ACER1: variants seen among roughly 807,000 people sequenced by gnomAD.
ACER1 encodes the protein CTB-180A7.3.
ACER1 carries 28 observed loss-of-function variants against 24.9 expected under a neutral mutation model. That is an observed-to-expected ratio of 1.13 (90% CI 0.83 to 1.54). The LOEUF (loss-of-function observed/expected upper bound fraction) is 1.54, where lower values mean the gene tolerates loss of function less well. Ranked by LOEUF, ACER1 falls within the 40% of genes most tolerant of loss-of-function variation. ACER1 has a pLI of 0.00. For missense variants in ACER1, 352 were observed against 349.3 expected, an observed-to-expected ratio of 1.01 and a Z score of -0.06; for synonymous variants, 132 against 131.4, an observed-to-expected ratio of 1.00 and a Z score of -0.03.
the ACER1 span, among the ~76,000 whole-genome samples, chr19:6,345,953 C>T: frequency 6.6e-6 from 1 of 151,792 alleles, no homozygotes. Flanking sequence ...CTTTCAAACA[C>T]CCAGGCTCAA....
chr19:6,323,196 A>G (rs10426241), intron 1 of ACER1, among the ~76,000 whole-genome samples: 131,636 of 151,574 alleles, frequency 0.87, 57,347 homozygotes, highest in Middle Eastern at 0.94. Context: ...CAAGGCAGGC[A>G]GATCACGAAG....
chr19:6,312,506 C>CAG lies in ACER1; in HGVS notation c.94-9_94-8dup. Reference sequence around the variant, plus strand: ...AGAAGGGGATATTGGAGAACTGGAGCAGAGAGAGCCATAGGGAGGAGCTCG... The same window carrying CAG: ...AGAAGGGGATATTGGAGAACTGGAGCAGAGAGAGAGCCATAGGGAGGAGCTCG... On this transcript the variant is annotated splice_region_variant and splice_polypyrimidine_tract_variant and intron_variant, in intron 1 of 5. Coordinates refer to ENST00000301452, the MANE Select transcript of ACER1 (RefSeq NM_133492.3). The CAG allele has an allele frequency of 6.2e-7, 1 of 1,610,148 alleles. No homozygotes were observed. Among genetic ancestry groups the CAG allele is most frequent in the Non-Finnish European group, 8.5e-7 (1 of 1,176,790 alleles).
intron 1 of ACER1, among the ~76,000 whole-genome samples, chr19:6,314,931 G>A (rs8110641): frequency 0.15 from 22,018 of 151,072 alleles, 1,834 homozygotes; most frequent in East Asian, 0.29. Flanking sequence ...TTGCTCTGTC[G>A]CCCAGGCTGG....
At chr19:6,316,835 A>G (rs1345744724) in intron 1 of ACER1, among the ~76,000 whole-genome samples, 1 of 151,436 alleles carries the variant, frequency 6.6e-6, no homozygotes, top group Non-Finnish European at 1.5e-5. Flanking sequence ...AAAAAAAAAA[A>G]GAGGTCAGAC....
chr19:6,340,557 G>T, the ACER1 span, among the ~76,000 whole-genome samples: 1 of 152,132 alleles, frequency 6.6e-6, no homozygotes, highest in South Asian at 2.1e-4. Flanking sequence ...GAGTAATTTT[G>T]AAACAGTCTC....
intron 1 of ACER1, among the ~76,000 whole-genome samples, chr19:6,317,372 C>T (rs1019984247): frequency 2.0e-5 from 3 of 152,208 alleles, no homozygotes; most frequent in Admixed American, 1.3e-4. Context: ...AAACAGATTA[C>T]GACTACAGTT....
chr19:6,334,257 G>A (rs1444618738), upstream of ACER1, among the ~76,000 whole-genome samples: 1 of 152,020 alleles, frequency 6.6e-6, no homozygotes, highest in Non-Finnish European at 1.5e-5. Context: ...TGTTAGCCAG[G>A]ATGGTCTCGA....
intron 1 of ACER1, among the ~76,000 whole-genome samples, chr19:6,320,820 T>A (rs945711459): frequency 1.4e-4 from 22 of 152,104 alleles, no homozygotes; most frequent in African/African-American, 4.8e-4. Flanking sequence ...TTGTACCTAC[T>A]TCATAGGATT....
the ACER1 span, among the ~76,000 whole-genome samples, chr19:6,345,962 A>G: frequency 6.6e-6 from 1 of 151,824 alleles, no homozygotes; most frequent in East Asian, 1.9e-4. Context: ...ACCCAGGCTC[A>G]AGTGATCCTC....
intron 1 of ACER1, among the ~76,000 whole-genome samples, chr19:6,324,842 AAGG>A (rs2091651507): frequency 2.7e-5 from 4 of 146,174 alleles, no homozygotes; most frequent in Non-Finnish European, 4.5e-5. Context: ...GGAAGGAAGG[AAGG>A]AAAGAGAGAG....
intron 1 of ACER1, among the ~76,000 whole-genome samples, chr19:6,314,699 C>A (rs2091595153): frequency 6.6e-6 from 1 of 151,982 alleles, no homozygotes; most frequent in African/African-American, 2.4e-5. Flanking sequence ...AAAATTAGGA[C>A]TACCATTTGA....
At chr19:6,323,657 A>G (rs570403721) in intron 1 of ACER1, among the ~76,000 whole-genome samples, 4 of 152,200 alleles carry the variant, frequency 2.6e-5, no homozygotes, top group Admixed American at 6.5e-5. Context: ...CTTTATTAGC[A>G]GAGTGAAAAT....
chr19:6,349,828 CT>C, the ACER1 span, among the ~76,000 whole-genome samples: 3 of 152,052 alleles, frequency 2.0e-5, no homozygotes, highest in Non-Finnish European at 4.4e-5. Flanking sequence ...CAGTAAGTCC[CT>C]TCTTAAAAGG....
At chr19:6,313,262 G>T (rs531137266) in intron 1 of ACER1, among the ~76,000 whole-genome samples, 1 of 152,090 alleles carries the variant, frequency 6.6e-6, no homozygotes, top group African/African-American at 2.4e-5. Context: ...GGGACTACAG[G>T]TGCCCGCCAC....
chr19:6,323,949 G>C (rs2091645747), intron 1 of ACER1, among the ~76,000 whole-genome samples: 1 of 152,192 alleles, frequency 6.6e-6, no homozygotes, highest in Admixed American at 6.6e-5. Flanking sequence ...GCCTCAAGGA[G>C]ACTCAGGAGA....
chr19:6,346,514 C>CTTTTTTTTT, the ACER1 span, among the ~76,000 whole-genome samples: 2 of 143,270 alleles, frequency 1.4e-5, no homozygotes, highest in African/African-American at 2.6e-5. Context: ...TCTTTTTTTT[C>CTTTTTTTTT]TTTTCTTTTT....
upstream of ACER1, among the ~76,000 whole-genome samples, chr19:6,334,076 G>A (rs866636371): frequency 3.3e-5 from 5 of 149,542 alleles, no homozygotes; most frequent in Admixed American, 1.3e-4. Flanking sequence ...AGACAGAGTC[G>A]CTCTGTTGCC....
intron 1 of ACER1, among the ~76,000 whole-genome samples, chr19:6,329,860 A>G (rs2091679087): frequency 6.6e-6 from 1 of 150,730 alleles, no homozygotes; most frequent in African/African-American, 2.4e-5. Flanking sequence ...TTTATTTTTA[A>G]TTTTTTAATT....
At chr19:6,323,495 A>G (rs2091643375) in intron 1 of ACER1, among the ~76,000 whole-genome samples, 2 of 151,844 alleles carry the variant, frequency 1.3e-5, no homozygotes, top group Admixed American at 6.6e-5. Flanking sequence ...GCTGCCATCC[A>G]CGTAAGATGT....
Sources: gnomAD v4.1 joint callset for allele counts (sites outside exome capture counted in the v4.1 genomes callset) on GRCh38, gnomAD v4.1.1 for gene constraint, MANE v1.5 for transcripts, NCBI Gene and HGNC (gene_info 2026-07-23, HGNC 2026-07-21) for gene names.